PALM2AKAP2: variants seen among roughly 807,000 people sequenced by gnomAD.
PALM2AKAP2 encodes PALM2 and AKAP2 fusion.
A neutral mutation model predicts 71.5 loss-of-function variants in PALM2AKAP2; 37 were observed. That is an observed-to-expected ratio of 0.52 (90% confidence interval 0.40 to 0.68). PALM2AKAP2 has a LOEUF of 0.68. Among genes scored for constraint, PALM2AKAP2 ranks in the 30% least tolerant of loss-of-function variants. The pLI is 0.00. For synonymous variants in PALM2AKAP2, 468 were observed against 478.8 expected (o/e 0.98, Z 0.29); for missense variants, 1,224 against 1,191.8 (o/e 1.03, Z -0.40).
rs59500188 is a variant in PALM2AKAP2 at position 110,011,008 on chromosome 9, A to AC, written c.497-4946_497-4945insC. On this transcript the variant is annotated intron_variant, in intron 6 of 9. Transcript: ENST00000302798. Reference sequence around the variant, plus strand: ...CGAAACTCTGTCTCAAAAAAAAAAAAAAAAAAATATATATATATATATATA... The same window carrying AC: ...CGAAACTCTGTCTCAAAAAAAAAAAACAAAAAAATATATATATATATATATA... Among the ~76,000 whole-genome samples, 85 of 91,728 alleles carry AC rather than the reference A, an allele frequency of 9.3e-4. 3 individuals carry two copies. Among genetic ancestry groups the AC allele is most frequent in the African/African-American group, 4.8e-3 (71 of 14,876 alleles). The allele number at this position is 91,728 out of a possible 152,430, so 60.2% of individuals were successfully genotyped here.
intron 7 of PALM2AKAP2, among the ~76,000 whole-genome samples, chr9:110,034,553 G>T (rs940413892): frequency 6.7e-6 from 1 of 150,290 alleles, no homozygotes; most frequent in Admixed American, 6.6e-5. Context: ...AGACCATAGC[G>T]TATGCTTTCC....
intron 6 of PALM2AKAP2, among the ~76,000 whole-genome samples, chr9:110,013,765 A>G (rs1832925015): frequency 6.6e-6 from 1 of 152,266 alleles, no homozygotes; most frequent in Non-Finnish European, 1.5e-5. Flanking sequence ...GTGTTAATAC[A>G]TTAAAATTTC....
chr9:109,765,121 A>G (rs1413410966), intron 1 of PALM2AKAP2, among the ~76,000 whole-genome samples: 1 of 152,260 alleles, frequency 6.6e-6, no homozygotes, highest in African/African-American at 2.4e-5. Context: ...TGGTTCTCAC[A>G]TCTTACACTT....
At chr9:110,145,807 A>G (rs114495925) in intron 2 of PALM2AKAP2, among the ~76,000 whole-genome samples, 3,147 of 136,792 alleles carry the variant, frequency 0.023, 183 homozygotes, top group African/African-American at 0.084. Context: ...AAAGTATAGA[A>G]TTCCACATTC....
chr9:109,963,897 A>G (rs1482719733), intron 6 of PALM2AKAP2, among the ~76,000 whole-genome samples: 1 of 152,210 alleles, frequency 6.6e-6, no homozygotes, highest in Non-Finnish European at 1.5e-5. Context: ...TAGGGTGTCC[A>G]CCATGGGTGT....
intron 1 of PALM2AKAP2, among the ~76,000 whole-genome samples, chr9:109,825,521 A>C (rs1828123339): frequency 6.6e-6 from 1 of 152,248 alleles, no homozygotes; most frequent in Non-Finnish European, 1.5e-5. Context: ...TTACAAGAAA[A>C]TAACAAACAA....
chr9:109,715,479 C>G (rs1045302625), intron 1 of PALM2AKAP2, among the ~76,000 whole-genome samples: 1 of 152,158 alleles, frequency 6.6e-6, no homozygotes, highest in Non-Finnish European at 1.5e-5. Context: ...CGTTCTTCTT[C>G]CCAGGGATGC....
At chr9:109,846,219 A>T (rs961161947) in intron 1 of PALM2AKAP2, among the ~76,000 whole-genome samples, 2 of 152,194 alleles carry the variant, frequency 1.3e-5, no homozygotes, top group Admixed American at 6.5e-5. Flanking sequence ...GGGGTAGAGT[A>T]GCAAAGGAGA....
intron 1 of PALM2AKAP2, among the ~76,000 whole-genome samples, chr9:109,782,839 G>A (rs745875149): frequency 1.5e-4 from 23 of 151,610 alleles, no homozygotes; most frequent in Admixed American, 2.6e-4. Context: ...GGGACTTATG[G>A]CCACATCGGT....
At chr9:109,843,572 A>G (rs186793411) in intron 1 of PALM2AKAP2, among the ~76,000 whole-genome samples, 2 of 152,274 alleles carry the variant, frequency 1.3e-5, no homozygotes, top group African/African-American at 2.4e-5. Flanking sequence ...AGATTAGAGT[A>G]TGTGAAAAAA....
At chr9:109,876,820 C>T (rs978658688) in intron 2 of PALM2AKAP2, among the ~76,000 whole-genome samples, 3 of 152,102 alleles carry the variant, frequency 2.0e-5, no homozygotes, top group Admixed American at 6.5e-5. Context: ...CTTCCTGGCT[C>T]CTCCTGTTGG....
Position 110,029,458 on chromosome 9 carries a change from G to T in PALM2AKAP2, c.582+13419G>T, listed in dbSNP as rs978523065. On this transcript the variant is annotated intron_variant, in intron 7 of 9. Transcript: ENST00000302798. ...ATGGGCATGGATATTCCCAGCAAAA[G>T]TTCTGACACATTCACAAATGCTTCC... is the stretch of plus-strand genomic sequence containing the variant. 3.9e-5 allele frequency among the ~76,000 whole-genome samples: 6 copies of T among 152,146 alleles called. No individual in the cohort carries two copies. The South Asian group carries it at 8.3e-4, about 21-fold the overall frequency.
At chr9:109,821,261 A>G (rs1488325799) in intron 1 of PALM2AKAP2, among the ~76,000 whole-genome samples, 1 of 152,164 alleles carries the variant, frequency 6.6e-6, no homozygotes, top group Non-Finnish European at 1.5e-5. Flanking sequence ...CAGCACACCA[A>G]CATGGCGCAT....
intron 1 of PALM2AKAP2, among the ~76,000 whole-genome samples, chr9:109,795,848 GT>G: frequency 6.6e-6 from 1 of 152,202 alleles, no homozygotes; most frequent in East Asian, 1.9e-4. Flanking sequence ...TTTCCAGCAG[GT>G]TTTGAGGAAA....
intron 3 of PALM2AKAP2, among the ~76,000 whole-genome samples, chr9:109,919,763 GTGTA>G (rs1336908695): frequency 7.4e-6 from 1 of 135,692 alleles, no homozygotes; most frequent in African/African-American, 2.7e-5. Flanking sequence ...GTGTGTGTGT[GTGTA>G]TATATGTAAA....
intron 6 of PALM2AKAP2, among the ~76,000 whole-genome samples, chr9:109,937,868 ACTCC>A (rs1831265529): frequency 1.3e-5 from 2 of 151,858 alleles, no homozygotes; most frequent in South Asian, 4.2e-4. Context: ...CCTCAACAGC[ACTCC>A]CTCCTCATTT....
intron 6 of PALM2AKAP2, among the ~76,000 whole-genome samples, chr9:110,004,246 A>G (rs1280520518): frequency 2.0e-5 from 3 of 152,126 alleles, no homozygotes; most frequent in African/African-American, 7.2e-5. Context: ...ATCTCTCAGC[A>G]TTTGCTTGTC....
chr9:110,142,590 A>G (rs140669240), intron 2 of PALM2AKAP2, among the ~76,000 whole-genome samples: 2 of 152,356 alleles, frequency 1.3e-5, no homozygotes, highest in African/African-American at 4.8e-5. Context: ...AAGGAAGACC[A>G]TATCATTTGG....
intron 3 of PALM2AKAP2, among the ~76,000 whole-genome samples, chr9:109,912,461 G>C (rs1262012745): frequency 1.3e-5 from 2 of 152,172 alleles, no homozygotes; most frequent in Non-Finnish European, 2.9e-5. Flanking sequence ...ATGATCTGCC[G>C]TGACTCCAGA....
Sources: gnomAD v4.1 joint callset for allele counts (sites outside exome capture counted in the v4.1 genomes callset) on GRCh38, gnomAD v4.1.1 for gene constraint, MANE v1.5 for transcripts, NCBI Gene and HGNC (gene_info 2026-07-23, HGNC 2026-07-21) for gene names.